The following MACROD2 variants were observed in gnomAD, a reference collection of about 807,000 sequenced individuals.
The protein encoded by MACROD2 is ADP-ribose glycohydrolase MACROD2.
Under a neutral mutation model 70.4 loss-of-function variants are expected in MACROD2, and 36 were observed. The ratio of observed to expected loss-of-function variants is 0.51; its 90% confidence interval spans 0.39 to 0.68. The LOEUF is 0.68. MACROD2 is among the 30% of genes least tolerant of loss of function. MACROD2 has a pLI of 0.00. For missense variants in MACROD2, 496 were observed against 538.4 expected, an observed-to-expected ratio of 0.92 and a Z score of 0.78; for synonymous variants, 172 against 178.8, an observed-to-expected ratio of 0.96 and a Z score of 0.30.
chr20:14,375,102 A>G (rs936413620), intron 3 of MACROD2, among the ~76,000 whole-genome samples: 3 of 152,104 alleles, frequency 2.0e-5, no homozygotes, highest in African/African-American at 7.2e-5. Flanking sequence ...ATCAGAATGG[A>G]AGGAGAAAAA....
intron 8 of MACROD2, among the ~76,000 whole-genome samples, chr20:15,838,065 C>T (rs888604342): frequency 2.0e-4 from 30 of 149,792 alleles, no homozygotes; most frequent in Non-Finnish European, 3.7e-4. Flanking sequence ...ACTCATATAC[C>T]GTATTATATT....
At chr20:14,276,540 A>T (rs937588836) in intron 3 of MACROD2, among the ~76,000 whole-genome samples, 1 of 150,704 alleles carries the variant, frequency 6.6e-6, no homozygotes, top group African/African-American at 2.4e-5. Flanking sequence ...TGACGAGTCA[A>T]TGGGTGCAGC....
chr20:15,831,013 A>G (rs1427980172), intron 8 of MACROD2, among the ~76,000 whole-genome samples: 1 of 152,174 alleles, frequency 6.6e-6, no homozygotes, highest in African/African-American at 2.4e-5. Context: ...TAAAGACTCA[A>G]AGTATTTATA....
At chr20:15,487,099 A>ACATCTG (rs773692082) in intron 7 of MACROD2, among the ~76,000 whole-genome samples, 2 of 152,160 alleles carry the variant, frequency 1.3e-5, no homozygotes, top group Non-Finnish European at 2.9e-5. Context: ...TTAAAACTTC[A>ACATCTG]CATCTGCTCA....
intron 8 of MACROD2, among the ~76,000 whole-genome samples, chr20:15,570,221 T>C (rs2048359481): frequency 6.6e-6 from 1 of 152,230 alleles, no homozygotes; most frequent in Non-Finnish European, 1.5e-5. Context: ...ATATTTTTTA[T>C]AATAGCCATT....
intron 3 of MACROD2, among the ~76,000 whole-genome samples, chr20:14,178,819 T>C (rs746615374): frequency 1.3e-5 from 2 of 150,964 alleles, no homozygotes; most frequent in Non-Finnish European, 2.9e-5. Flanking sequence ...TTCCTTGTCA[T>C]GTAGTCTCAC....
chr20:14,398,974 C>T (rs1225180999), intron 3 of MACROD2, among the ~76,000 whole-genome samples: 1 of 151,668 alleles, frequency 6.6e-6, no homozygotes, highest in Admixed American at 6.6e-5. Flanking sequence ...GGAAGTAAAC[C>T]CATTCAGCAT....
chr20:14,231,775 G>A (rs973183490), intron 3 of MACROD2, among the ~76,000 whole-genome samples: 32 of 152,226 alleles, frequency 2.1e-4, no homozygotes, highest in African/African-American at 6.3e-4. Context: ...AAGTGTTCCT[G>A]TTTCTCCACA....
At chr20:15,088,448 T>TAA (rs2075769142) in intron 5 of MACROD2, among the ~76,000 whole-genome samples, 1 of 78,582 alleles carries the variant, frequency 1.3e-5, no homozygotes, top group South Asian at 3.3e-4. Context: ...TATATATATA[T>TAA]ATAATATTTT....
intron 7 of MACROD2, among the ~76,000 whole-genome samples, chr20:15,433,911 T>A (rs1418923498): frequency 3.3e-5 from 5 of 152,018 alleles, no homozygotes; most frequent in Non-Finnish European, 7.4e-5. Context: ...AGCAAACTGA[T>A]CTTCAACAAA....
intron 5 of MACROD2, among the ~76,000 whole-genome samples, chr20:15,095,370 C>T (rs537883975): frequency 3.4e-4 from 51 of 151,594 alleles, no homozygotes; most frequent in South Asian, 2.1e-3. Context: ...CCACCACGCC[C>T]GGCCTGCTGT....
chr20:15,309,150 A>G (rs886782543), intron 6 of MACROD2, among the ~76,000 whole-genome samples: 4 of 152,244 alleles, frequency 2.6e-5, no homozygotes, highest in Non-Finnish European at 5.9e-5. Context: ...AGCCTTTTCT[A>G]TAACTTCTAC....
intron 5 of MACROD2, among the ~76,000 whole-genome samples, chr20:15,142,258 A>T (rs1000088042): frequency 6.6e-6 from 1 of 152,200 alleles, no homozygotes; most frequent in Admixed American, 6.5e-5. Flanking sequence ...AAGCTAAAAA[A>T]TGTTGCTAAA....
intron 6 of MACROD2, among the ~76,000 whole-genome samples, chr20:15,294,010 C>T (rs1374748312): frequency 1.3e-5 from 2 of 151,166 alleles, no homozygotes; most frequent in African/African-American, 2.4e-5. Flanking sequence ...ACCCCAGCTA[C>T]TTCGGGAGGC....
chr20:15,710,437 A>G (rs1047650642), intron 8 of MACROD2, among the ~76,000 whole-genome samples: 26 of 152,328 alleles, frequency 1.7e-4, no homozygotes, highest in Non-Finnish European at 2.4e-4. Flanking sequence ...ATAAAATTTT[A>G]AATTTCAATA....
At chr20:15,827,222 A>G (rs1393305684) in intron 8 of MACROD2, among the ~76,000 whole-genome samples, 1 of 152,088 alleles carries the variant, frequency 6.6e-6, no homozygotes, top group African/African-American at 2.4e-5. Context: ...CTGCAGACTC[A>G]TTTTTCTAAT....
intron 10 of MACROD2, among the ~76,000 whole-genome samples, chr20:15,903,098 G>A (rs2065090107): frequency 6.6e-6 from 1 of 152,274 alleles, no homozygotes; most frequent in South Asian, 2.1e-4. Flanking sequence ...TAAGTGGGCC[G>A]GGTGCGGTGT....
intron 5 of MACROD2, among the ~76,000 whole-genome samples, chr20:14,986,209 C>T (rs2074847422): frequency 6.6e-6 from 1 of 152,080 alleles, no homozygotes; most frequent in African/African-American, 2.4e-5. Flanking sequence ...AGCAAAAATT[C>T]TTTTTTGGTT....
chr20:14,135,747 C>T (rs898826564), intron 3 of MACROD2, among the ~76,000 whole-genome samples: 2 of 152,048 alleles, frequency 1.3e-5, no homozygotes, highest in Non-Finnish European at 1.5e-5. Flanking sequence ...ACTATTTGCT[C>T]ATGATAAAAA....
Sources: gnomAD v4.1 joint callset for allele counts (sites outside exome capture counted in the v4.1 genomes callset) on GRCh38, gnomAD v4.1.1 for gene constraint, MANE v1.5 for transcripts, NCBI Gene and HGNC (gene_info 2026-07-23, HGNC 2026-07-21) for gene names.